SETD4: variants seen among roughly 807,000 people sequenced by gnomAD.
SETD4 encodes the protein SET domain containing 4.
Under a neutral mutation model 58.3 loss-of-function variants are expected in SETD4, and 46 were observed. The ratio of observed to expected loss-of-function variants is 0.79; its 90% confidence interval spans 0.62 to 1.01. The LOEUF is 1.01. Among genes scored for constraint, SETD4 ranks in the 50% least tolerant of loss-of-function variants. The pLI is 0.00. For synonymous variants in SETD4, 190 were observed against 202.6 expected, an observed-to-expected ratio of 0.94 and a Z score of 0.53; for missense variants, 490 against 523.3, an observed-to-expected ratio of 0.94 and a Z score of 0.62.
chr21:36,051,280 C>T, intron 4 of SETD4: 1 of 1,594,680 alleles, frequency 6.3e-7, no homozygotes, highest in Non-Finnish European at 8.6e-7. Context: ...GACAGTGACC[C>T]TGAAAGCATG....
intron 10 of SETD4, chr21:36,036,501 T>A (rs142392529): frequency 5.1e-6 from 2 of 388,722 alleles, no homozygotes; most frequent in Non-Finnish European, 7.0e-6. Flanking sequence ...CTCCACTCTC[T>A]GTCTCTACGA....
In SETD4 at chr21:36,035,842, C is replaced by T; in HGVS notation, c.*151G>A. On this transcript the variant is annotated 3_prime_UTR_variant, in exon 12 of 12. Transcript: ENST00000332131. ...ACCTGCCATCCAGACAGCTTGTCCACCTTCACTCACAGCCTCACAATCCCA... is the reference window on the plus strand; with the variant it reads ...ACCTGCCATCCAGACAGCTTGTCCATCTTCACTCACAGCCTCACAATCCCA... 4.4e-6 allele frequency: 2 copies of T among 452,094 alleles called. No individual in the cohort carries two copies. The highest frequency in any genetic ancestry group is 9.4e-5 in the East Asian group (2 of 21,328). The allele number at this position is 452,094 out of a possible 1,614,324, so 28.0% of individuals were successfully genotyped here. A position where few individuals can be genotyped will look rare whatever the true frequency, so the allele number is the denominator to read the frequency against.
chr21:36,039,379 G>A (rs1261166804), intron 9 of SETD4, among the ~76,000 whole-genome samples: 1 of 152,176 alleles, frequency 6.6e-6, no homozygotes, highest in Non-Finnish European at 1.5e-5. Flanking sequence ...TAACTCAAAT[G>A]CAAGAAAAGA....
chr21:36,058,082 G>C (rs1003818186), intron 2 of SETD4, among the ~76,000 whole-genome samples: 2 of 152,200 alleles, frequency 1.3e-5, no homozygotes, highest in Non-Finnish European at 2.9e-5. Flanking sequence ...GTCAAGACCA[G>C]AAAAAGAAAG....
At chr21:36,050,209 T>C in intron 4 of SETD4, 1 of 1,188,434 alleles carries the variant, frequency 8.4e-7, no homozygotes, top group Non-Finnish European at 1.3e-6. Flanking sequence ...AAGCACAAGC[T>C]GATCAAGATC....
At chr21:36,058,436 G>C (rs898388157) in intron 2 of SETD4, among the ~76,000 whole-genome samples, 2 of 150,628 alleles carry the variant, frequency 1.3e-5, no homozygotes, top group Admixed American at 6.6e-5. Context: ...GAGATCACTT[G>C]AGCCTGGGAG....
At chr21:36,050,657 A>G (rs1283129893) in intron 4 of SETD4, 2 of 1,603,800 alleles carry the variant, frequency 1.2e-6, no homozygotes, top group Non-Finnish European at 1.7e-6. Context: ...TGATTGATGA[A>G]GCTCAAGTAC....
chr21:36,045,683 C>T lies in SETD4; in HGVS notation c.625G>A (p.Val209Met), dbSNP rs145926295. 247 of 1,614,186 alleles carry T rather than the reference C, an allele frequency of 1.5e-4. 1 individual carries two copies. The East Asian group carries it at 4.4e-3, about 29-fold the overall frequency. ...WAWCTVNTRA[V>M]YLRPRQRECL... ...TCCCGCTGCCTGGGCCTCAGGTACA[C>T]GGCTCTGGTGTTGACGGTGCACCAA... The change falls in exon 6 of 12, where the codon GTG becomes ATG. Residue 209 changes from valine to methionine, a missense_variant. Val to Met is a conservative substitution (Grantham distance 21). Transcript: ENST00000332131.
Position 36,038,261 on chromosome 21 carries a change from T to C in SETD4, c.1077A>G (p.Lys359=). 6.2e-7 allele frequency: 1 copy of C among 1,612,790 alleles called. No individual in the cohort carries two copies. The highest frequency in any genetic ancestry group is 8.5e-7 in the Non-Finnish European group (1 of 1,179,720). The change falls in exon 10 of 12, where the codon AAA becomes AAG. Residue 359 remains lysine (K), a synonymous_variant. Transcript: ENST00000332131. ...AAATTACCTCCCCAAGAAGTACTTT[T>C]TTCCAGCATGTACTAGAACCAAAAT... is the stretch of plus-strand genomic sequence containing the variant. ...CLEAEKFTCW[K]KVLLGEVISD...
chr21:36,045,531 C>A, intron 6 of SETD4, 51 bp downstream of exon 6: 1 of 1,576,936 alleles, frequency 6.3e-7, no homozygotes, highest in Non-Finnish European at 8.6e-7. Context: ...TTCTGGGCAG[C>A]GGAAGCCTTC....
At chr21:36,058,996 G>A (rs558880563) in intron 1 of SETD4, 72 bp from the exon 2 acceptor site, 3 of 1,422,200 alleles carry the variant, frequency 2.1e-6, no homozygotes, top group East Asian at 2.4e-5. Context: ...ACATTTCTTT[G>A]ATTTACTTTC....
rs557648503 is a variant in SETD4, at chr21:36,041,658, A to C, written c.983+149T>G. 8 of 581,370 alleles carry C rather than the reference A, an allele frequency of 1.4e-5. No homozygotes were observed. The South Asian group carries it at 1.5e-4, about 11-fold the overall frequency. 36.0% of individuals were successfully genotyped at this position (581,370 alleles called of 1,614,324 possible). A position where few individuals can be genotyped will look rare whatever the true frequency, so the allele number is the denominator to read the frequency against. ...TTTTGTCCTCCACAACATCAAGCGC[A>C]GTTTTACTGCACATAGTAAGTGCTC... is the stretch of plus-strand genomic sequence containing the variant. On this transcript the variant is annotated intron_variant, in intron 8 of 11. Transcript: ENST00000332131.
At chr21:36,056,752 G>A (rs1371921415) in intron 3 of SETD4, among the ~76,000 whole-genome samples, 1 of 152,050 alleles carries the variant, frequency 6.6e-6, no homozygotes, top group Non-Finnish European at 1.5e-5. Flanking sequence ...GAGACAGGAT[G>A]TTGTCATGTT....
intron 2 of SETD4, chr21:36,057,466 A>C (rs947603344): frequency 1.3e-5 from 8 of 633,808 alleles, no homozygotes; most frequent in Admixed American, 1.2e-4. Flanking sequence ...CCAACACAGA[A>C]AGACCCCATC....
intron 4 of SETD4, chr21:36,051,364 T>C: frequency 1.3e-6 from 2 of 1,545,246 alleles, no homozygotes; most frequent in East Asian, 4.5e-5. Context: ...GAAATCAAAC[T>C]ACTGGTGGAC....
At chr21:36,040,769 C>T (rs2064010832) in intron 8 of SETD4, 114 bp from the exon 9 acceptor site, 8 of 859,364 alleles carry the variant, frequency 9.3e-6, no homozygotes, top group Non-Finnish European at 1.5e-5. Flanking sequence ...TGTCATGTAA[C>T]CTGCAACCTC....
At chr21:36,037,604 C>CAAA (rs761175944) in intron 10 of SETD4, among the ~76,000 whole-genome samples, 1 of 62,738 alleles carries the variant, frequency 1.6e-5, no homozygotes, top group African/African-American at 6.1e-5. Flanking sequence ...GACTCTGTCT[C>CAAA]AAAAAAAAAA....
chr21:36,045,367 A>G (rs1211013527), intron 6 of SETD4, among the ~76,000 whole-genome samples: 1 of 152,202 alleles, frequency 6.6e-6, no homozygotes, highest in African/African-American at 2.4e-5. Context: ...CCTGAAGAGC[A>G]GAGTGAAGAA....
chr21:36,044,554 A>G (rs2064217378), intron 6 of SETD4, among the ~76,000 whole-genome samples: 1 of 151,858 alleles, frequency 6.6e-6, no homozygotes, highest in Admixed American at 6.6e-5. Context: ...CACACTACAC[A>G]CTCCTGATAT....
Sources: allele counts gnomAD v4.1 joint callset (sites outside exome capture counted in the v4.1 genomes callset), GRCh38; gene constraint gnomAD v4.1.1; transcripts MANE v1.5; gene names NCBI Gene and HGNC (gene_info 2026-07-23, HGNC 2026-07-21).